Variants in LRBA observed in about 807,000 individuals in gnomAD.
The protein encoded by LRBA is lipopolysaccharide-responsive and beige-like anchor protein.
LRBA carries 176 observed loss-of-function variants against 330.0 expected under a neutral mutation model. That is an observed-to-expected ratio of 0.53 (90% confidence interval 0.47 to 0.60). The LOEUF (loss-of-function observed/expected upper bound fraction) is 0.60. LRBA is among the 20% of genes least tolerant of loss of function. The probability of loss-of-function intolerance (pLI) is 0.00; values close to 1 mark genes in which losing one functional copy is unlikely to be tolerated. For synonymous variants in LRBA, 1,230 were observed against 1,193.0 expected (o/e 1.03, Z -0.64); for missense variants, 3,259 against 3,444.8 (o/e 0.95, Z 1.35).
intron 52 of LRBA, among the ~76,000 whole-genome samples, chr4:150,305,732 ATTAACT>A (rs1200782798): frequency 6.6e-6 from 1 of 152,192 alleles, no homozygotes; most frequent in Non-Finnish European, 1.5e-5. Context: ...GTTAACACAA[ATTAACT>A]TTATTCTTTA....
intron 42 of LRBA, among the ~76,000 whole-genome samples, chr4:150,478,479 C>A (rs1201059786): frequency 1.3e-5 from 2 of 152,110 alleles, no homozygotes; most frequent in East Asian, 3.9e-4. Flanking sequence ...CTTGTCATCA[C>A]CCCCCAAATC....
chr4:150,814,175 T>C (rs567930087), intron 31 of LRBA, among the ~76,000 whole-genome samples: 135 of 152,184 alleles, frequency 8.9e-4, no homozygotes, highest in African/African-American at 3.1e-3. Context: ...GATGGAACCA[T>C]CTATATATTT....
chr4:150,469,179 T>C (rs906804345), intron 43 of LRBA, among the ~76,000 whole-genome samples: 1 of 152,100 alleles, frequency 6.6e-6, no homozygotes, highest in Non-Finnish European at 1.5e-5. Context: ...TGCTCAGTGA[T>C]TAGACTTAAT....
intron 34 of LRBA, among the ~76,000 whole-genome samples, chr4:150,762,767 T>C (rs1023109806): frequency 5.9e-5 from 9 of 151,942 alleles, no homozygotes; most frequent in Admixed American, 2.0e-4. Flanking sequence ...CCTCAACTGA[T>C]CTTTTTTTGT....
chr4:150,848,273 C>T (rs1750129537), intron 26 of LRBA, among the ~76,000 whole-genome samples: 2 of 152,064 alleles, frequency 1.3e-5, no homozygotes, highest in Admixed American at 6.6e-5. Context: ...CTTTGGCCTC[C>T]CAAAGAGCTG....
At chr4:150,790,738 T>C (rs2126640061) in intron 34 of LRBA, among the ~76,000 whole-genome samples, 1 of 152,370 alleles carries the variant, frequency 6.6e-6, no homozygotes, top group South Asian at 2.1e-4. Context: ...CTCACAAGTC[T>C]ATACTTCCTT....
chr4:150,809,003 G>C (rs924117648), intron 31 of LRBA, among the ~76,000 whole-genome samples: 2 of 152,102 alleles, frequency 1.3e-5, no homozygotes, highest in Non-Finnish European at 2.9e-5. Flanking sequence ...GAATCTTTCA[G>C]TCCAAAAGTG....
chr4:150,767,756 CAAAAA>C (rs373910038), intron 34 of LRBA, among the ~76,000 whole-genome samples: 4,737 of 118,676 alleles, frequency 0.04, 248 homozygotes, highest in African/African-American at 0.13. Flanking sequence ...AGACTTGTTG[CAAAAA>C]AAAAAAAAAA....
At chr4:150,834,690 T>G (rs907343342) in intron 28 of LRBA, among the ~76,000 whole-genome samples, 2 of 152,216 alleles carry the variant, frequency 1.3e-5, no homozygotes, top group Non-Finnish European at 2.9e-5. Flanking sequence ...AATTGTGCAT[T>G]GGCTTTAACT....
chr4:150,384,033 T>C (rs1448532571), intron 47 of LRBA, among the ~76,000 whole-genome samples: 2 of 144,098 alleles, frequency 1.4e-5, no homozygotes, highest in African/African-American at 5.0e-5. Context: ...ATTTTTATTT[T>C]TTATTTATTT....
intron 40 of LRBA, among the ~76,000 whole-genome samples, chr4:150,506,343 A>C (rs1761081508): frequency 6.6e-6 from 1 of 152,350 alleles, no homozygotes; most frequent in South Asian, 2.1e-4. Flanking sequence ...ATACTGGCAA[A>C]CCAAATCCAG....
chr4:150,775,637 T>C (rs1025372731), intron 34 of LRBA, among the ~76,000 whole-genome samples: 12 of 151,998 alleles, frequency 7.9e-5, no homozygotes, highest in Non-Finnish European at 1.6e-4. Flanking sequence ...CTCTAGGTGC[T>C]ATATTTCCAA....
intron 31 of LRBA, among the ~76,000 whole-genome samples, chr4:150,808,624 G>A (rs1454355396): frequency 6.6e-6 from 1 of 152,194 alleles, no homozygotes; most frequent in Non-Finnish European, 1.5e-5. Flanking sequence ...CTATCCATGA[G>A]CTGAAGAAGC....
At chr4:150,898,783 G>C (rs916506288) in intron 14 of LRBA, among the ~76,000 whole-genome samples, 2 of 152,098 alleles carry the variant, frequency 1.3e-5, no homozygotes, top group Non-Finnish European at 2.9e-5. Context: ...ACCTAGGACA[G>C]TACATGATAC....
intron 13 of LRBA, among the ~76,000 whole-genome samples, chr4:150,901,490 G>C (rs2127138564): frequency 6.6e-6 from 1 of 152,204 alleles, no homozygotes; most frequent in Admixed American, 6.5e-5. Context: ...CTTGACCATA[G>C]ACCAAACTAC....
At chr4:150,634,131 C>G (rs1469963588) in intron 37 of LRBA, among the ~76,000 whole-genome samples, 1 of 151,958 alleles carries the variant, frequency 6.6e-6, no homozygotes, top group Non-Finnish European at 1.5e-5. Flanking sequence ...GGAGTTTTCC[C>G]GTCTTCATCT....
chr4:150,785,048 C>T (rs1045519455), intron 34 of LRBA, among the ~76,000 whole-genome samples: 3 of 152,244 alleles, frequency 2.0e-5, no homozygotes, highest in Middle Eastern at 3.4e-3. Flanking sequence ...ACCTGCTGTG[C>T]GTGAGATAAG....
At chr4:150,586,650 T>C (rs1772153121) in intron 40 of LRBA, among the ~76,000 whole-genome samples, 1 of 152,156 alleles carries the variant, frequency 6.6e-6, no homozygotes, top group African/African-American at 2.4e-5. Flanking sequence ...TTAATGATGC[T>C]GTACAGAATC....
intron 34 of LRBA, among the ~76,000 whole-genome samples, chr4:150,797,752 C>T (rs1012306246): frequency 9.2e-5 from 14 of 151,986 alleles, no homozygotes; most frequent in Admixed American, 3.3e-4. Flanking sequence ...GTGGAGTCAG[C>T]GTGGCACTCC....
Sources: allele counts gnomAD v4.1 joint callset (sites outside exome capture counted in the v4.1 genomes callset), GRCh38; gene constraint gnomAD v4.1.1; transcripts MANE v1.5; gene names NCBI Gene and HGNC (gene_info 2026-07-23, HGNC 2026-07-21).